Variants in CLPSL1 observed in about 807,000 individuals in gnomAD.
CLPSL1 encodes the protein colipase like 1, also known as colipase-like protein 1.
A neutral mutation model predicts 9.3 loss-of-function variants in CLPSL1; 13 were observed. The ratio of observed to expected loss-of-function variants is 1.40; its 90% CI spans 0.91 to 2.22. The LOEUF (loss-of-function observed/expected upper bound fraction) is 2.22, where lower values mean the gene tolerates loss of function less well. Ranked by LOEUF, CLPSL1 falls within the 30% of genes most tolerant of loss-of-function variation. The pLI is 0.00. For synonymous variants in CLPSL1, 58 were observed against 56.9 expected (o/e 1.02, Z -0.08); for missense variants, 164 against 146.6 (o/e 1.12, Z -0.61).
chr6:35,782,940 A>G (rs1333910845), intron 1 of CLPSL1, among the ~76,000 whole-genome samples: 2 of 152,126 alleles, frequency 1.3e-5, no homozygotes, highest in Non-Finnish European at 2.9e-5. Flanking sequence ...CATATATAAT[A>G]TAAATATTAC....
rs1409574511 is a variant in CLPSL1, at chr6:35,788,048, G to A, written c.*38G>A. ...CTTGCTGCCTCCTCCTCCTCCACCTGCTCTCCTCCCTACCCAGAGCTCTGT... is the reference window on the plus strand; with the variant it reads ...CTTGCTGCCTCCTCCTCCTCCACCTACTCTCCTCCCTACCCAGAGCTCTGT... On this transcript the variant is annotated 3_prime_UTR_variant, in exon 3 of 3. Coordinates refer to ENST00000373861, the MANE Select transcript of CLPSL1 (RefSeq NM_001010886.5). The A allele has an allele frequency of 6.7e-7, 1 of 1,494,228 alleles. No homozygotes were observed. Among genetic ancestry groups the A allele is most frequent in the Non-Finnish European group, 9.3e-7 (1 of 1,072,946 alleles). The allele number at this position is 1,494,228 out of a possible 1,614,324, so 92.6% of individuals were successfully genotyped here.
intron 2 of CLPSL1, 23 bp from the exon 3 acceptor site, chr6:35,787,843 AG>A: frequency 6.2e-7 from 1 of 1,602,994 alleles, no homozygotes; most frequent in Non-Finnish European, 8.5e-7. Flanking sequence ...GCCAAGGTCG[AG>A]GTCAAAGTCC....
chr6:35,787,444 GC>G (rs1282827904), intron 2 of CLPSL1, among the ~76,000 whole-genome samples: 2 of 152,284 alleles, frequency 1.3e-5, no homozygotes, highest in African/African-American at 4.8e-5. Context: ...TCCAGCCTCT[GC>G]CCCAGAGCCC....
chr6:35,787,078 C>A lies in CLPSL1; in HGVS notation c.180C>A (p.His60Gln). The A allele has an allele frequency of 6.2e-7, 1 of 1,609,764 alleles. No homozygotes were observed. The highest frequency in any genetic ancestry group is 8.5e-7 in the Non-Finnish European group (1 of 1,178,970). The change falls in exon 2 of 3, where the codon CAC becomes CAA. Residue 60 changes from histidine to glutamine, a missense_variant. His to Gln is a conservative substitution (Grantham distance 24, BLOSUM62 0). Transcript: ENST00000373861. ...CQRAPDNCES[H>Q]CAEKGSEGSL... ...GTGCTCCAGACAATTGCGAGTCGCA[C>A]TGCGCGGAGAAGGGGTCCGAGGGCA...
chr6:35,790,754 C>T (rs1257169058), downstream of CLPSL1, among the ~76,000 whole-genome samples: 2 of 152,234 alleles, frequency 1.3e-5, no homozygotes, highest in African/African-American at 2.4e-5. Context: ...TTGAGAAACT[C>T]CTGGGAGGGG....
chr6:35,781,091 G>C lies in CLPSL1; in HGVS notation c.-20G>C. ...GGATATTTCGCTGGACCCTAGAAAA[G>C]CCACCACGACCTGTGGGCCATGATG... On this transcript the variant is annotated 5_prime_UTR_variant, in exon 1 of 3. Coordinates refer to ENST00000373861, the MANE Select transcript of CLPSL1 (RefSeq NM_001010886.5). 1 of 1,612,934 alleles carries C rather than the reference G, an allele frequency of 6.2e-7. No homozygotes were observed. Among genetic ancestry groups the C allele is most frequent in the Non-Finnish European group, 8.5e-7 (1 of 1,179,390 alleles).
At chr6:35,785,175 T>A in intron 1 of CLPSL1, among the ~76,000 whole-genome samples, 1 of 17,856 alleles carries the variant, frequency 5.6e-5, no homozygotes, top group Admixed American at 4.9e-4. Context: ...CCCCTGGAAA[T>A]TTTTTTTTTT....
At chr6:35,782,911 C>A (rs117934980) in intron 1 of CLPSL1, among the ~76,000 whole-genome samples, 1 of 151,904 alleles carries the variant, frequency 6.6e-6, no homozygotes, top group Non-Finnish European at 1.5e-5. Context: ...AGCACATAAT[C>A]GTACATAATA....
Position 35,788,121 on chromosome 6 carries a change from G to A in CLPSL1, c.*111G>A, listed in dbSNP as rs1361830227. 3.9e-6 allele frequency: 3 copies of A among 766,218 alleles called. No homozygotes were observed. The highest frequency in any genetic ancestry group is 2.1e-6 in the Non-Finnish European group (1 of 476,244). 47.5% of individuals were successfully genotyped at this position (766,218 alleles called of 1,614,324 possible). On this transcript the variant is annotated 3_prime_UTR_variant, in exon 3 of 3. Coordinates refer to ENST00000373861, the MANE Select transcript of CLPSL1 (RefSeq NM_001010886.5). ...TCCACCATGAGTGGAGGGAAGTGGG[G>A]AGTGATTGAAATAAAGAGCTTTTTC...
chr6:35,792,762 G>C (rs1344774364), downstream of CLPSL1, among the ~76,000 whole-genome samples: 1 of 152,272 alleles, frequency 6.6e-6, no homozygotes, highest in Non-Finnish European at 1.5e-5. Context: ...GCACACTGTG[G>C]TCATTCAGTG....
chr6:35,785,920 G>C (rs997001581), intron 1 of CLPSL1, among the ~76,000 whole-genome samples: 1 of 140,100 alleles, frequency 7.1e-6, no homozygotes, highest in Non-Finnish European at 1.5e-5. Context: ...CTGCACTCCA[G>C]CCTGGGTGAC....
At chr6:35,790,873 T>C (rs1768172276), downstream of CLPSL1, among the ~76,000 whole-genome samples, 1 of 152,154 alleles carries the variant, frequency 6.6e-6, no homozygotes, top group Non-Finnish European at 1.5e-5. Flanking sequence ...AAACCCTGTG[T>C]CTGAAAACAA....
At chr6:35,783,620 C>A (rs538627473) in intron 1 of CLPSL1, among the ~76,000 whole-genome samples, 1 of 151,920 alleles carries the variant, frequency 6.6e-6, no homozygotes, top group African/African-American at 2.4e-5. Context: ...TCCTGGCTAA[C>A]ACAGTGAAAC....
chr6:35,781,067 G>C lies in CLPSL1; in HGVS notation c.-44G>C. On this transcript the variant is annotated 5_prime_UTR_variant, in exon 1 of 3. Transcript: ENST00000373861. ...GGACACCCACATGGTCGGCGTGCAG[G>C]ATATTTCGCTGGACCCTAGAAAAGC... The C allele has an allele frequency of 6.2e-7, 1 of 1,609,464 alleles. No homozygotes were observed. Among genetic ancestry groups the C allele is most frequent in the Non-Finnish European group, 8.5e-7 (1 of 1,177,714 alleles).
intron 1 of CLPSL1, chr6:35,793,354 G>T (rs1454682049): frequency 2.3e-6 from 1 of 435,332 alleles, no homozygotes; most frequent in Non-Finnish European, 4.6e-6. Flanking sequence ...GAACCCAGGA[G>T]GCAGAAGTTG....
At chr6:35,792,925 T>A (rs1333878259), downstream of CLPSL1, among the ~76,000 whole-genome samples, 1 of 152,262 alleles carries the variant, frequency 6.6e-6, no homozygotes, top group Non-Finnish European at 1.5e-5. Context: ...GCAGACACCA[T>A]TACCTGGTTT....
At chr6:35,786,019 C>T (rs1321506695) in intron 1 of CLPSL1, among the ~76,000 whole-genome samples, 1 of 151,248 alleles carries the variant, frequency 6.6e-6, no homozygotes, top group Non-Finnish European at 1.5e-5. Context: ...AATCCTAGCA[C>T]TTTGGGAGGC....
chr6:35,787,844 G>A (rs772582776), intron 2 of CLPSL1, 23 bp from the exon 3 acceptor site: 2 of 1,606,030 alleles, frequency 1.2e-6, no homozygotes, highest in East Asian at 2.2e-5. Context: ...CCAAGGTCGA[G>A]GTCAAAGTCC....
chr6:35,781,281 C>A, intron 1 of CLPSL1, 72 bp downstream of exon 1: 1 of 1,558,308 alleles, frequency 6.4e-7, no homozygotes, highest in Non-Finnish European at 8.7e-7. Flanking sequence ...GGGAGGTGAG[C>A]GGGCATGGGG....
Sources: gnomAD v4.1 joint callset for allele counts (sites outside exome capture counted in the v4.1 genomes callset) on GRCh38, gnomAD v4.1.1 for gene constraint, MANE v1.5 for transcripts, NCBI Gene and HGNC (gene_info 2026-07-23, HGNC 2026-07-21) for gene names.